The following KCNH1 variants were observed in gnomAD, a reference collection of about 807,000 sequenced individuals.
The protein encoded by KCNH1 is voltage-gated delayed rectifier potassium channel KCNH1.
Under a neutral mutation model 69.2 loss-of-function variants are expected in KCNH1, and 27 were observed. The observed-to-expected ratio is 0.39, with a 90% CI of 0.29 to 0.54. The LOEUF (loss-of-function observed/expected upper bound fraction) is 0.54, where lower values mean the gene tolerates loss of function less well. Ranked by LOEUF, KCNH1 falls within the 20% of genes least tolerant of loss-of-function variation. The pLI is 0.68. For missense variants in KCNH1, 798 were observed against 1,261.6 expected (o/e 0.63, Z 5.57); for synonymous variants, 456 against 487.7 (o/e 0.93, Z 0.86).
At chr1:210,775,651 G>C (rs1683845702) in intron 9 of KCNH1, 107 bp from the exon 10 acceptor site, 2 of 757,238 alleles carry the variant, frequency 2.6e-6, no homozygotes, top group East Asian at 2.5e-5. Flanking sequence ...GCATTCTGCA[G>C]ATTGGGCTCA....
At chr1:211,117,935 A>T (rs566251561) in intron 1 of KCNH1, among the ~76,000 whole-genome samples, 60 of 152,276 alleles carry the variant, frequency 3.9e-4, no homozygotes, top group Non-Finnish European at 7.4e-4. Context: ...ATGAAATATC[A>T]CTTCTCTAAA....
intron 5 of KCNH1, among the ~76,000 whole-genome samples, chr1:211,059,756 T>A (rs11119673): frequency 0.38 from 55,124 of 146,464 alleles, 10,545 homozygotes; most frequent in South Asian, 0.46. Flanking sequence ...AAAAAAAGAG[T>A]GAGAGAGAGA....
Position 210,743,180 on chromosome 1 carries a change from G to A in KCNH1, c.2112+32168C>T, listed in dbSNP as rs114839249. On this transcript the variant is annotated intron_variant, in intron 10 of 10. Coordinates refer to ENST00000271751, the MANE Select transcript of KCNH1 (RefSeq NM_172362.3). ...AAGAGATGAGATCCTGGAGCTAGACGGAGCTGTCCTTTCCTAGTAGGTGTC... is the reference window on the plus strand; with the variant it reads ...AAGAGATGAGATCCTGGAGCTAGACAGAGCTGTCCTTTCCTAGTAGGTGTC... Among the ~76,000 whole-genome samples, 214 of 106,118 alleles carry A rather than the reference G, an allele frequency of 2.0e-3. 1 individual carries two copies. Among genetic ancestry groups the A allele is most frequent in the African/African-American group, 8.3e-3 (196 of 23,580 alleles). 69.6% of individuals were successfully genotyped at this position (106,118 alleles called of 152,430 possible).
intron 7 of KCNH1, among the ~76,000 whole-genome samples, chr1:210,879,759 A>G (rs1197595357): frequency 6.6e-6 from 1 of 152,112 alleles, no homozygotes; most frequent in Non-Finnish European, 1.5e-5. Flanking sequence ...AGCTAATGCA[A>G]TAAGATAAGG....
chr1:210,941,243 C>G (rs538585601), intron 6 of KCNH1, among the ~76,000 whole-genome samples: 3 of 152,304 alleles, frequency 2.0e-5, no homozygotes, highest in East Asian at 3.9e-4. Flanking sequence ...TCGAATTTGG[C>G]CTTTAAAAAG....
rs1358234671 is a variant in KCNH1 at position 211,086,566 on chromosome 1, G to A, written c.440-3668C>T. ...TAGAGAGAAAAAAGATAAAGGAGGG[G>A]AACATAGTACACAATCTAGCAATCA... On this transcript the variant is annotated intron_variant, in intron 4 of 10. Transcript: ENST00000271751. Among the ~76,000 whole-genome samples, 4 of 152,198 alleles carry A rather than the reference G, an allele frequency of 2.6e-5. No homozygotes were observed. The Middle Eastern group carries it at 0.01, about 388-fold the overall frequency.
intron 10 of KCNH1, among the ~76,000 whole-genome samples, chr1:210,759,728 A>C (rs1683477400): frequency 6.6e-6 from 1 of 152,262 alleles, no homozygotes. Flanking sequence ...TCAAGAGAGA[A>C]GAGATAGTAA....
At chr1:211,034,805 A>G (rs572922286) in intron 5 of KCNH1, among the ~76,000 whole-genome samples, 2 of 152,344 alleles carry the variant, frequency 1.3e-5, no homozygotes, top group African/African-American at 4.8e-5. Flanking sequence ...TGATAAGACT[A>G]TTCAGCAAGA....
chr1:210,777,511 G>A (rs1377002655), intron 9 of KCNH1, among the ~76,000 whole-genome samples: 1 of 152,176 alleles, frequency 6.6e-6, no homozygotes, highest in Admixed American at 6.5e-5. Flanking sequence ...GGGGTCAGTA[G>A]AGGGAAATGT....
At chr1:210,913,098 A>C (rs1309578541) in intron 7 of KCNH1, among the ~76,000 whole-genome samples, 1 of 152,214 alleles carries the variant, frequency 6.6e-6, no homozygotes, top group African/African-American at 2.4e-5. Context: ...GGAAGACAGA[A>C]AGTAGTCTAA....
At chr1:210,758,599 T>C (rs1168713605) in intron 10 of KCNH1, among the ~76,000 whole-genome samples, 1 of 152,062 alleles carries the variant, frequency 6.6e-6, no homozygotes, top group Non-Finnish European at 1.5e-5. Context: ...TCACAGCCCA[T>C]CAAAGTCCCC....
In KCNH1 at chr1:211,090,678, C is replaced by G; in HGVS notation, c.323G>C (p.Trp108Ser). Residue 108 changes from tryptophan to serine, a missense_variant, in exon 4 of 11, where the codon TGG (tryptophan) becomes TCG (serine). This residue lies in a region of KCNH1 where 266 missense variants were observed against 457.2 expected (regional missense o/e 0.58). Transcript: ENST00000271751. ...LMYKKNRTPVWFFVKIAPIRN... is the reference protein window; with the variant it reads ...LMYKKNRTPVSFFVKIAPIRN... ...AATTGGAGCAATTTTCACAAAGAAC[C>G]ACACAGGTGTCCCTGAAAGGAATAT... is the stretch of plus-strand genomic sequence containing the variant. 1 of 1,604,838 alleles carries G rather than the reference C, an allele frequency of 6.2e-7. No homozygotes were observed.
rs1202906757 is a variant in KCNH1 at position 210,754,844 on chromosome 1, G to GGCACACACA, written c.2112+20503_2112+20504insTGTGTGTGC. On this transcript the variant is annotated intron_variant, in intron 10 of 10. Transcript: ENST00000271751. ...GGGCCTGATACACAAGTACACACGG[G>GGCACACACA]CACACACACACACACACACACACAC... Among the ~76,000 whole-genome samples, 380 of 148,960 alleles carry GGCACACACA rather than the reference G, an allele frequency of 2.6e-3. 4 individuals are homozygous for GGCACACACA. The highest frequency in any genetic ancestry group is 8.5e-3 in the African/African-American group (343 of 40,430).
intron 10 of KCNH1, among the ~76,000 whole-genome samples, chr1:210,727,596 A>G (rs1682631496): frequency 6.6e-6 from 1 of 151,972 alleles, no homozygotes; most frequent in South Asian, 2.1e-4. Context: ...TCTAAAAAAA[A>G]TGTATCTAGA....
intron 7 of KCNH1, among the ~76,000 whole-genome samples, chr1:210,856,303 A>G (rs775295646): frequency 6.6e-6 from 1 of 152,154 alleles, no homozygotes; most frequent in Non-Finnish European, 1.5e-5. Flanking sequence ...ACATAATGCC[A>G]AAAGAACCAG....
chr1:210,860,601 A>G (rs1279211090), intron 7 of KCNH1: 31 of 829,748 alleles, frequency 3.7e-5, no homozygotes, highest in East Asian at 2.4e-5. Flanking sequence ...TCTGAATTAC[A>G]TTGGTAAGGT....
At chr1:211,001,678 G>A (rs915372715) in intron 6 of KCNH1, among the ~76,000 whole-genome samples, 1 of 152,098 alleles carries the variant, frequency 6.6e-6, no homozygotes, top group African/African-American at 2.4e-5. Flanking sequence ...ATATCCAAAG[G>A]ATTATAAATC....
intron 10 of KCNH1, among the ~76,000 whole-genome samples, chr1:210,691,365 A>T (rs984514108): frequency 1.3e-5 from 2 of 152,202 alleles, no homozygotes; most frequent in African/African-American, 2.4e-5. Flanking sequence ...GCTGTGTTAA[A>T]TGTTGGACCT....
chr1:210,724,627 G>A (rs986871514), intron 10 of KCNH1, among the ~76,000 whole-genome samples: 2 of 152,168 alleles, frequency 1.3e-5, no homozygotes, highest in African/African-American at 2.4e-5. Context: ...CATGGGCTTT[G>A]CAAACAGGAT....
Sources: gnomAD v4.1 joint callset for allele counts (sites outside exome capture counted in the v4.1 genomes callset) on GRCh38, gnomAD v4.1.1 for gene constraint, gnomAD v4.1.1 regional missense constraint, MANE v1.5 for transcripts, NCBI Gene and HGNC (gene_info 2026-07-23, HGNC 2026-07-21) for gene names.